RBMS3: variants seen among roughly 807,000 people sequenced by gnomAD.
RBMS3 encodes the protein RNA-binding motif, single-stranded-interacting protein 3.
A neutral mutation model predicts 66.8 loss-of-function variants in RBMS3; 27 were observed. The ratio of observed to expected loss-of-function variants is 0.40; its 90% CI spans 0.30 to 0.56. The LOEUF is 0.56. Ranked by LOEUF, RBMS3 falls within the 20% of genes least tolerant of loss-of-function variation. RBMS3 has a pLI of 0.40. For synonymous variants in RBMS3, 188 were observed against 183.0 expected (o/e 1.03, Z -0.22); for missense variants, 513 against 549.5 (o/e 0.93, Z 0.66).
At chr3:29,466,027 T>C (rs2042530368) in intron 2 of RBMS3, among the ~76,000 whole-genome samples, 1 of 151,882 alleles carries the variant, frequency 6.6e-6, no homozygotes, top group South Asian at 2.1e-4. Flanking sequence ...ATGACTCCAC[T>C]GCAGGACCTC....
At chr3:29,291,675 T>G (rs1280138292) in intron 1 of RBMS3, among the ~76,000 whole-genome samples, 1 of 151,838 alleles carries the variant, frequency 6.6e-6, no homozygotes, top group Non-Finnish European at 1.5e-5. Flanking sequence ...TTTATATGTA[T>G]TAAAACTGAC....
intron 1 of RBMS3, among the ~76,000 whole-genome samples, chr3:29,407,786 G>C (rs1022878321): frequency 1.1e-4 from 16 of 152,112 alleles, no homozygotes; most frequent in Non-Finnish European, 8.8e-5. Context: ...CCCAAAGCTT[G>C]TCTGAATAAA....
chr3:29,558,236 G>A (rs534368421), intron 3 of RBMS3, among the ~76,000 whole-genome samples: 23 of 151,802 alleles, frequency 1.5e-4, no homozygotes, highest in African/African-American at 2.4e-5. Flanking sequence ...AGATACAAAC[G>A]AAAAATTTTG....
chr3:29,973,969 C>T (rs1188109252), intron 12 of RBMS3, among the ~76,000 whole-genome samples: 1 of 151,890 alleles, frequency 6.6e-6, no homozygotes. Flanking sequence ...CACTGTCTTT[C>T]CTGTGCTTCA....
At chr3:29,711,460 G>A (rs1160669016) in intron 4 of RBMS3, among the ~76,000 whole-genome samples, 2 of 152,126 alleles carry the variant, frequency 1.3e-5, no homozygotes, top group Non-Finnish European at 2.9e-5. Context: ...GAATAACTGG[G>A]TCATGTTCTT....
intron 1 of RBMS3, among the ~76,000 whole-genome samples, chr3:29,392,772 T>C (rs940162371): frequency 5.3e-5 from 8 of 152,114 alleles, no homozygotes; most frequent in African/African-American, 1.7e-4. Flanking sequence ...TTGGTCACAG[T>C]TATACATCTA....
At chr3:29,530,705 C>CAAAAAAAAAA (rs35876128) in intron 3 of RBMS3, among the ~76,000 whole-genome samples, 1 of 123,728 alleles carries the variant, frequency 8.1e-6, no homozygotes, top group African/African-American at 3.1e-5. Context: ...ACTAAAAATA[C>CAAAAAAAAAA]AAAAAAAAAA....
At chr3:29,527,179 A>G (rs2045151304) in intron 3 of RBMS3, among the ~76,000 whole-genome samples, 1 of 91,958 alleles carries the variant, frequency 1.1e-5, no homozygotes, top group East Asian at 2.9e-4. Context: ...TGTTAGGTAG[A>G]GTAAAAAAAA....
intron 10 of RBMS3, among the ~76,000 whole-genome samples, chr3:29,925,635 T>C (rs1159620642): frequency 6.6e-6 from 1 of 152,188 alleles, no homozygotes; most frequent in African/African-American, 2.4e-5. Context: ...ACCAAGAATC[T>C]TTTTAGAAGC....
In RBMS3 at chr3:29,281,558, T is replaced by TG. The variant is rs2031784642; in HGVS notation, c.-122dup. 8.5e-6 allele frequency: 6 copies of TG among 707,610 alleles called. No homozygotes were observed. The highest frequency in any genetic ancestry group is 1.5e-5 in the Non-Finnish European group (6 of 403,810). The allele number at this position is 707,610 out of a possible 1,614,324, so 43.8% of individuals were successfully genotyped here. A position where few individuals can be genotyped will look rare whatever the true frequency, so the allele number is the denominator to read the frequency against. On this transcript the variant is annotated 5_prime_UTR_variant, in exon 1 of 15. Transcript: ENST00000383767. Reference sequence around the variant, plus strand: ...TTGCTGTGTTGGAACTAGCGAGTGGTGGAGTCTCTGAAGCCTCATCAGTCA... The same window carrying TG: ...TTGCTGTGTTGGAACTAGCGAGTGGTGGGAGTCTCTGAAGCCTCATCAGTCA...
At chr3:29,857,375 C>A (rs1449753748) in intron 6 of RBMS3, among the ~76,000 whole-genome samples, 1 of 151,492 alleles carries the variant, frequency 6.6e-6, no homozygotes, top group Non-Finnish European at 1.5e-5. Flanking sequence ...CTACCCCCAC[C>A]CCCACCCCCA....
At chr3:29,367,213 A>G (rs1013591975) in intron 1 of RBMS3, among the ~76,000 whole-genome samples, 6 of 152,188 alleles carry the variant, frequency 3.9e-5, no homozygotes, top group African/African-American at 1.4e-4. Context: ...CATTCATTTC[A>G]TCATTAATTG....
At chr3:29,593,986 A>G (rs958696492) in intron 4 of RBMS3, among the ~76,000 whole-genome samples, 5 of 152,242 alleles carry the variant, frequency 3.3e-5, no homozygotes, top group Non-Finnish European at 5.9e-5. Flanking sequence ...TTTTAGGTAC[A>G]ATGGTCAGGA....
At chr3:29,853,028 G>A (rs1374718293) in intron 6 of RBMS3, among the ~76,000 whole-genome samples, 2 of 152,138 alleles carry the variant, frequency 1.3e-5, no homozygotes, top group African/African-American at 4.8e-5. Flanking sequence ...TGGAGCTGGA[G>A]GTTATTATCC....
At chr3:29,682,419 C>T (rs80308597) in intron 4 of RBMS3, among the ~76,000 whole-genome samples, 2 of 152,180 alleles carry the variant, frequency 1.3e-5, no homozygotes, top group African/African-American at 2.4e-5. Flanking sequence ...TCCCAAAGTG[C>T]GGGGATGACA....
At chr3:29,576,767 G>A (rs2047136866) in intron 3 of RBMS3, among the ~76,000 whole-genome samples, 2 of 152,138 alleles carry the variant, frequency 1.3e-5, no homozygotes. Context: ...TGCCACCACT[G>A]GCCCATTGAG....
intron 7 of RBMS3, among the ~76,000 whole-genome samples, chr3:29,870,423 A>G (rs1418689324): frequency 2.0e-5 from 3 of 152,316 alleles, no homozygotes; most frequent in African/African-American, 4.8e-5. Flanking sequence ...CCAAGACTCA[A>G]TTAGCAACTT....
intron 2 of RBMS3, among the ~76,000 whole-genome samples, chr3:29,487,833 A>G (rs1001953662): frequency 6.6e-6 from 1 of 152,190 alleles, no homozygotes; most frequent in African/African-American, 2.4e-5. Context: ...AAAAGCACAT[A>G]TTACTTACTT....
chr3:29,993,073 C>T (rs77363730), intron 14 of RBMS3, among the ~76,000 whole-genome samples: 3,852 of 151,994 alleles, frequency 0.025, 119 homozygotes, highest in East Asian at 0.16. Flanking sequence ...TGGTTTAGGT[C>T]TAAAGTCAGT....
Sources: allele counts gnomAD v4.1 joint callset (sites outside exome capture counted in the v4.1 genomes callset), GRCh38; gene constraint gnomAD v4.1.1; transcripts MANE v1.5; gene names NCBI Gene and HGNC (gene_info 2026-07-23, HGNC 2026-07-21).